The following PDE1A variants were observed in gnomAD, a reference collection of about 807,000 sequenced individuals.
The protein encoded by PDE1A is dual specificity calcium/calmodulin-dependent 3',5'-cyclic nucleotide phosphodiesterase 1A.
In PDE1A, 35 loss-of-function variants were observed where a neutral mutation model predicts 61.7. That is an observed-to-expected ratio of 0.57 (90% CI 0.43 to 0.75). The LOEUF is 0.75. Among genes scored for constraint, PDE1A ranks in the 30% least tolerant of loss-of-function variants. The probability of loss-of-function intolerance (pLI) is 0.00; values close to 1 mark genes in which losing one functional copy is unlikely to be tolerated. For missense variants in PDE1A, 597 were observed against 630.6 expected, an observed-to-expected ratio of 0.95 and a Z score of 0.57; for synonymous variants, 232 against 213.2, an observed-to-expected ratio of 1.09 and a Z score of -0.77.
chr2:182,522,202 G>T, intron 2 of PDE1A: 2 of 1,256,862 alleles, frequency 1.6e-6, no homozygotes, highest in East Asian at 2.3e-5. Context: ...CCACAAAGGC[G>T]GATAGCACCA....
the PDE1A span, among the ~76,000 whole-genome samples, chr2:182,647,372 T>C: frequency 6.6e-6 from 1 of 152,222 alleles, no homozygotes; most frequent in African/African-American, 2.4e-5. Flanking sequence ...AAAGCATAGT[T>C]AGATTAGATT....
At chr2:182,626,762 CATATAT>C in the PDE1A span, among the ~76,000 whole-genome samples, 1 of 10,822 alleles carries the variant, frequency 9.2e-5, no homozygotes, top group Non-Finnish European at 1.9e-4. Context: ...TATATATATA[CATATAT>C]ATACATATAT....
chr2:182,470,480 CAAG>C (rs761553465), intron 2 of PDE1A, among the ~76,000 whole-genome samples: 2 of 151,760 alleles, frequency 1.3e-5, no homozygotes, highest in Non-Finnish European at 2.9e-5. Flanking sequence ...TAACAGTAAA[CAAG>C]AAGACAGTTC....
chr2:182,376,496 T>C (rs1263410104), intron 1 of PDE1A, among the ~76,000 whole-genome samples: 1 of 152,200 alleles, frequency 6.6e-6, no homozygotes. Flanking sequence ...AGCCTGGATT[T>C]CATTGTCCAT....
chr2:182,626,968 G>GA, the PDE1A span, among the ~76,000 whole-genome samples: 124 of 9,632 alleles, frequency 0.013, 4 homozygotes, highest in African/African-American at 0.046. Flanking sequence ...TTGCCTTTGA[G>GA]AAAAAAAAAA....
chr2:182,661,400 A>C, the PDE1A span, among the ~76,000 whole-genome samples: 39 of 152,192 alleles, frequency 2.6e-4, no homozygotes, highest in Non-Finnish European at 3.4e-4. Context: ...GGCACCTTCT[A>C]TATATCAGAT....
At chr2:182,340,769 T>C (rs1698133434) in intron 1 of PDE1A, among the ~76,000 whole-genome samples, 1 of 152,224 alleles carries the variant, frequency 6.6e-6, no homozygotes, top group South Asian at 2.1e-4. Context: ...ATGAATGTTT[T>C]AACAGATCAA....
At chr2:182,565,363 C>T in the PDE1A span, among the ~76,000 whole-genome samples, 1 of 152,096 alleles carries the variant, frequency 6.6e-6, no homozygotes, top group African/African-American at 2.4e-5. Context: ...GGCTGCAGAA[C>T]AGCGGATTTT....
the PDE1A span, among the ~76,000 whole-genome samples, chr2:182,639,484 C>A: frequency 2.6e-5 from 4 of 152,170 alleles, no homozygotes; most frequent in Admixed American, 2.0e-4. Context: ...AGGAGAATCA[C>A]TTGAACCCAA....
At chr2:182,353,961 T>C (rs1574431393) in intron 1 of PDE1A, among the ~76,000 whole-genome samples, 1 of 152,170 alleles carries the variant, frequency 6.6e-6, no homozygotes, top group Non-Finnish European at 1.5e-5. Flanking sequence ...ATCTATGTAC[T>C]GTATACCTTT....
At chr2:182,255,108 T>C (rs1213169452) in intron 2 of PDE1A, among the ~76,000 whole-genome samples, 2 of 152,096 alleles carry the variant, frequency 1.3e-5, no homozygotes, top group Non-Finnish European at 2.9e-5. Flanking sequence ...TGCTACCAGA[T>C]AAAACATCAA....
chr2:182,696,950 G>T, the PDE1A span, among the ~76,000 whole-genome samples: 22 of 152,270 alleles, frequency 1.4e-4, no homozygotes, highest in South Asian at 4.1e-3. Flanking sequence ...ATTTGTCTTA[G>T]ATTCTAAGCA....
chr2:182,396,608 ATTTCC>A (rs1701719862), intron 1 of PDE1A, among the ~76,000 whole-genome samples: 1 of 152,110 alleles, frequency 6.6e-6, no homozygotes, highest in Non-Finnish European at 1.5e-5. Context: ...TCTTCATTTT[ATTTCC>A]TTTCTTTTTC....
intron 7 of PDE1A, among the ~76,000 whole-genome samples, chr2:182,220,027 T>C (rs1688589528): frequency 2.0e-5 from 3 of 152,104 alleles, no homozygotes; most frequent in Non-Finnish European, 2.9e-5. Flanking sequence ...AGCTTTATTA[T>C]TCATCCAACA....
In PDE1A at chr2:182,264,294, A is replaced by C; in HGVS notation, c.167+7T>G. 1 of 1,581,542 alleles carries C rather than the reference A, an allele frequency of 6.3e-7. No individual in the cohort carries two copies. Among genetic ancestry groups the C allele is most frequent in the South Asian group, 1.1e-5 (1 of 89,242 alleles). ...AGAAGATAAAAGAGAAGAAGGTTAA[A>C]ACTTACCTTGTTTCATCGATATAAA... On this transcript the variant is annotated splice_region_variant and intron_variant, in intron 2 of 13. Coordinates refer to ENST00000351439, the Ensembl canonical transcript of PDE1A.
intron 2 of PDE1A, among the ~76,000 whole-genome samples, chr2:182,482,217 A>C (rs1436558101): frequency 2.0e-5 from 3 of 151,958 alleles, no homozygotes; most frequent in Non-Finnish European, 4.4e-5. Context: ...GAGATTTAAA[A>C]AACCTGAGAC....
the PDE1A span, among the ~76,000 whole-genome samples, chr2:182,560,062 T>C: frequency 9.7e-4 from 131 of 135,496 alleles, 1 homozygote; most frequent in African/African-American, 3.2e-3. Context: ...GAGATAGGGA[T>C]TCTTTTTTTT....
At chr2:182,253,912 G>C (rs1344545687) in intron 2 of PDE1A, among the ~76,000 whole-genome samples, 1 of 151,750 alleles carries the variant, frequency 6.6e-6, no homozygotes, top group African/African-American at 2.4e-5. Context: ...TAATTTATAG[G>C]CATTTTTGAG....
intron 1 of PDE1A, chr2:182,522,549 G>A: frequency 5.6e-6 from 8 of 1,429,108 alleles, no homozygotes; most frequent in Non-Finnish European, 7.3e-6. Context: ...GACTTTGACA[G>A]GCATATATCC....
Sources: allele counts gnomAD v4.1 joint callset (sites outside exome capture counted in the v4.1 genomes callset), GRCh38; gene constraint gnomAD v4.1.1; transcripts MANE v1.5; gene names NCBI Gene and HGNC (gene_info 2026-07-23, HGNC 2026-07-21).